LARS2: variants seen among roughly 807,000 people sequenced by gnomAD.
The protein encoded by LARS2 is leucine--tRNA ligase, mitochondrial.
In LARS2, 81 loss-of-function variants were observed where a neutral mutation model predicts 116.6. The ratio of observed to expected loss-of-function variants is 0.69; its 90% confidence interval spans 0.58 to 0.84. The LOEUF (loss-of-function observed/expected upper bound fraction) is 0.84, where lower values mean the gene tolerates loss of function less well. LARS2 is among the 40% of genes least tolerant of loss of function. The pLI is 0.00. For synonymous variants in LARS2, 396 were observed against 407.2 expected (o/e 0.97, Z 0.33); for missense variants, 968 against 1,114.5 (o/e 0.87, Z 1.87).
At chr3:45,413,826 A>G (rs1698373446) in intron 4 of LARS2, among the ~76,000 whole-genome samples, 1 of 152,234 alleles carries the variant, frequency 6.6e-6, no homozygotes, top group African/African-American at 2.4e-5. Flanking sequence ...AGGAGAGAAC[A>G]GATCTGGCGA....
intron 14 of LARS2, 112 bp from the exon 15 acceptor site, chr3:45,500,330 T>A: frequency 9.4e-7 from 1 of 1,065,572 alleles, no homozygotes. Context: ...AAATCATTGT[T>A]ATTCCCTGAT....
At chr3:45,415,996 G>A (rs923475073) in intron 4 of LARS2, among the ~76,000 whole-genome samples, 7 of 150,918 alleles carry the variant, frequency 4.6e-5, no homozygotes, top group African/African-American at 1.7e-4. Flanking sequence ...AGTCTCAAAA[G>A]TTACTCTCTG....
chr3:45,517,961 G>T lies in LARS2; in HGVS notation c.2103G>T (p.Arg701=). ...WQQRLWTLTT[R]FIEARASGKS... ...AACGACTGTGGACCTTGACAACTCG[G>T]TTTATTGAGGCCAGGGCTTCTGGGA... is the stretch of plus-strand genomic sequence containing the variant. The change falls in exon 18 of 22, where the codon CGG becomes CGT. Residue 701 remains arginine, a synonymous_variant. Transcript: ENST00000645846. The T allele has an allele frequency of 5.6e-6, 9 of 1,614,168 alleles. No homozygotes were observed. Among genetic ancestry groups the T allele is most frequent in the Non-Finnish European group, 6.8e-6 (8 of 1,180,000 alleles).
In LARS2 at chr3:45,400,307, G is replaced by A; in HGVS notation, c.297G>A (p.Met99Ile). The stretch of plus-strand genomic sequence containing the variant: ...CTTATCCTTCTGGTAAGCTGCACAT[G>A]GGCCATGTGCGTGTCTACACCATCA... Reference protein sequence around the residue: ...MFPYPSGKLHMGHVRVYTISD... With the variant: ...MFPYPSGKLHIGHVRVYTISD... The change falls in exon 4 of 22, where the codon ATG becomes ATA. Residue 99 changes from methionine (M) to isoleucine (I), a missense_variant. Physicochemically the swap from Met to Ile is conservative, Grantham distance 10. Coordinates refer to ENST00000645846, the MANE Select transcript of LARS2 (RefSeq NM_015340.4). The A allele has an allele frequency of 1.9e-6, 3 of 1,614,006 alleles. No individual in the cohort carries two copies.
At chr3:45,418,932 A>G (rs1698474422) in intron 5 of LARS2, among the ~76,000 whole-genome samples, 1 of 152,240 alleles carries the variant, frequency 6.6e-6, no homozygotes, top group Non-Finnish European at 1.5e-5. Flanking sequence ...ATGTGATTGG[A>G]TAAAGACTAA....
intron 6 of LARS2, among the ~76,000 whole-genome samples, chr3:45,430,199 T>TC (rs1381875147): frequency 1.3e-5 from 2 of 150,594 alleles, no homozygotes; most frequent in Admixed American, 6.6e-5. Flanking sequence ...GGTTTCAATC[T>TC]CTGACTTTGT....
chr3:45,402,797 C>G, intron 4 of LARS2, among the ~76,000 whole-genome samples: 1 of 152,012 alleles, frequency 6.6e-6, no homozygotes, highest in Admixed American at 6.6e-5. Flanking sequence ...ATTATTTCTG[C>G]TATGTTTATT....
intron 6 of LARS2, among the ~76,000 whole-genome samples, chr3:45,434,215 A>G (rs1698765109): frequency 6.6e-6 from 1 of 152,204 alleles, no homozygotes; most frequent in African/African-American, 2.4e-5. Context: ...CTCTGATGAC[A>G]TGCATGTCAG....
intron 6 of LARS2, among the ~76,000 whole-genome samples, chr3:45,429,602 A>C (rs1325387574): frequency 6.6e-6 from 1 of 152,096 alleles, no homozygotes. Flanking sequence ...TACATCTGCA[A>C]AATTCCTTTT....
chr3:45,469,639 C>T (rs981564461), intron 8 of LARS2, among the ~76,000 whole-genome samples: 5 of 152,038 alleles, frequency 3.3e-5, no homozygotes, highest in South Asian at 2.1e-4. Flanking sequence ...TCACTGTGCC[C>T]GGCCGGGTTT....
At chr3:45,499,908 T>C (rs1310677182) in intron 14 of LARS2, among the ~76,000 whole-genome samples, 1 of 152,194 alleles carries the variant, frequency 6.6e-6, no homozygotes, top group East Asian at 1.9e-4. Context: ...ACCATTTTTA[T>C]AATTTCATAA....
chr3:45,409,502 A>G (rs1698292244), intron 4 of LARS2, among the ~76,000 whole-genome samples: 2 of 152,164 alleles, frequency 1.3e-5, no homozygotes, highest in Admixed American at 1.3e-4. Flanking sequence ...TATTTCACGT[A>G]AATAGGCCAT....
At chr3:45,528,723 A>G (rs1700569848) in intron 20 of LARS2, among the ~76,000 whole-genome samples, 1 of 152,198 alleles carries the variant, frequency 6.6e-6, no homozygotes, top group African/African-American at 2.4e-5. Context: ...TGCTTTTGAG[A>G]TTAATCCATG....
At chr3:45,516,353 G>A in intron 17 of LARS2, 77 bp downstream of exon 17, 1 of 1,423,186 alleles carries the variant, frequency 7.0e-7, no homozygotes, top group Non-Finnish European at 9.7e-7. Context: ...GGAAGGAAAT[G>A]TCTTTGCTGA....
At chr3:45,392,590 T>C (rs765874417) in intron 2 of LARS2, among the ~76,000 whole-genome samples, 5 of 152,134 alleles carry the variant, frequency 3.3e-5, no homozygotes, top group Non-Finnish European at 7.4e-5. Flanking sequence ...CCATTGCCCG[T>C]GGCCTAAGAG....
At chr3:45,537,804 GGGTGCCAT>G (rs1418826837) in intron 20 of LARS2, among the ~76,000 whole-genome samples, 1 of 152,194 alleles carries the variant, frequency 6.6e-6, no homozygotes, top group Non-Finnish European at 1.5e-5. Flanking sequence ...GATCACTCTG[GGGTGCCAT>G]GGTGACATGG....
chr3:45,496,370 A>G lies in LARS2; in HGVS notation c.1619A>G (p.His540Arg). The change falls in exon 14 of 22, where the codon CAC (histidine) becomes CGC (arginine). Residue 540 changes from histidine (H) to arginine (R), a missense_variant. Physicochemically the swap from His to Arg is conservative, Grantham distance 29. Coordinates refer to ENST00000645846, the MANE Select transcript of LARS2 (RefSeq NM_015340.4). ...AGATACACTGACCCTCATAATCCACACAGGTAAAACGTCCCTGCTGATGTC... is the reference window on the plus strand; with the variant it reads ...AGATACACTGACCCTCATAATCCACGCAGGTAAAACGTCCCTGCTGATGTC... ...YFRYTDPHNP[H>R]SPFNTAVADY... 3.1e-6 allele frequency: 5 copies of G among 1,609,736 alleles called. No individual in the cohort carries two copies. The highest frequency in any genetic ancestry group is 4.3e-6 in the Non-Finnish European group (5 of 1,176,066).
chr3:45,470,419 T>A (rs1391472356), intron 8 of LARS2, among the ~76,000 whole-genome samples: 1 of 152,248 alleles, frequency 6.6e-6, no homozygotes, highest in Non-Finnish European at 1.5e-5. Flanking sequence ...TTGGTGCATG[T>A]TCTTAAACAC....
chr3:45,459,071 T>C (rs1000332357), intron 8 of LARS2, among the ~76,000 whole-genome samples, 185 bp downstream of exon 8: 7 of 152,150 alleles, frequency 4.6e-5, no homozygotes, highest in African/African-American at 1.7e-4. Flanking sequence ...GCTGGTATCT[T>C]CAACTGTAAG....
Sources: gnomAD v4.1 joint callset for allele counts (sites outside exome capture counted in the v4.1 genomes callset) on GRCh38, gnomAD v4.1.1 for gene constraint, MANE v1.5 for transcripts, NCBI Gene and HGNC (gene_info 2026-07-23, HGNC 2026-07-21) for gene names.